FREM1: variants seen among roughly 807,000 people sequenced by gnomAD.
The protein encoded by FREM1 is FRAS1-related extracellular matrix protein 1.
FREM1 carries 220 observed loss-of-function variants against 210.1 expected under a neutral mutation model. That is an observed-to-expected ratio of 1.05 (90% CI 0.94 to 1.17). The LOEUF is 1.17. Among genes scored for constraint, FREM1 ranks in the 50% most tolerant of loss-of-function variants. The pLI is 0.00. For synonymous variants in FREM1, 1,189 were observed against 980.2 expected (o/e 1.21, Z -3.98); for missense variants, 3,454 against 2,675.5 (o/e 1.29, Z -6.42).
intron 29 of FREM1, among the ~76,000 whole-genome samples, chr9:14,752,067 T>C (rs1255333942): frequency 6.6e-6 from 1 of 151,182 alleles, no homozygotes; most frequent in Non-Finnish European, 1.5e-5. Flanking sequence ...TCAAAATATA[T>C]ATTTTGTACT....
At chr9:14,801,979 T>C (rs1817374291) in intron 19 of FREM1, 105 bp from the exon 20 acceptor site, 1 of 782,404 alleles carries the variant, frequency 1.3e-6, no homozygotes. Context: ...ACTTCAAATT[T>C]TCTATGAGAT....
At chr9:14,766,604 C>G (rs1168803233) in intron 27 of FREM1, among the ~76,000 whole-genome samples, 1 of 152,136 alleles carries the variant, frequency 6.6e-6, no homozygotes, top group Non-Finnish European at 1.5e-5. Flanking sequence ...CTTCAGGACT[C>G]CACAGGAATC....
rs1353020061 is a variant in FREM1, at chr9:14,909,957, G to C, written c.-311C>G. 3.3e-5 allele frequency: 5 copies of C among 152,210 alleles called. No homozygotes were observed. Among genetic ancestry groups the C allele is most frequent in the Admixed American group, 3.3e-4 (5 of 15,268 alleles). The allele number at this position is 152,210 out of a possible 1,614,324, so 9.4% of individuals were successfully genotyped here. A position where few individuals can be genotyped will look rare whatever the true frequency, so the allele number is the denominator to read the frequency against. On this transcript the variant is annotated 5_prime_UTR_variant, in exon 1 of 37. Coordinates refer to ENST00000380880, the MANE Select transcript of FREM1 (RefSeq NM_001379081.2). ...CCAAGACAAAAAGTTAGAAACCCTT[G>C]GAACTGGCGGGCAGGATAAGAGTCA...
intron 14 of FREM1, among the ~76,000 whole-genome samples, chr9:14,817,967 A>C (rs992783726): frequency 1.3e-5 from 2 of 152,226 alleles, no homozygotes; most frequent in Non-Finnish European, 2.9e-5. Context: ...TGGCCCTAAG[A>C]GTACACATCC....
At chr9:14,829,221 C>T (rs1318862095) in intron 10 of FREM1, among the ~76,000 whole-genome samples, 1 of 152,134 alleles carries the variant, frequency 6.6e-6, no homozygotes, top group Non-Finnish European at 1.5e-5. Context: ...TGGTATCATG[C>T]TAGAGGGTAA....
At chr9:14,879,086 G>A (rs1211869254) in intron 1 of FREM1, among the ~76,000 whole-genome samples, 1 of 151,524 alleles carries the variant, frequency 6.6e-6, no homozygotes, top group Non-Finnish European at 1.5e-5. Context: ...GAACCTGGGA[G>A]GCGGAGGTTG....
intron 10 of FREM1, among the ~76,000 whole-genome samples, chr9:14,834,221 G>A (rs1324919917): frequency 2.0e-5 from 3 of 152,198 alleles, no homozygotes; most frequent in African/African-American, 7.2e-5. Context: ...ACTGAGGGAT[G>A]AGACTCCCAT....
At chr9:14,818,954 G>A (rs535679895) in intron 14 of FREM1, among the ~76,000 whole-genome samples, 1 of 152,162 alleles carries the variant, frequency 6.6e-6, no homozygotes, top group Admixed American at 6.5e-5. Flanking sequence ...TGTGATATGT[G>A]CAGTTACTGC....
intron 20 of FREM1, among the ~76,000 whole-genome samples, chr9:14,798,828 C>G (rs373150509): frequency 1.8e-4 from 27 of 152,036 alleles, no homozygotes; most frequent in African/African-American, 6.0e-4. Flanking sequence ...CAGGTGTGAC[C>G]ACACCTGGCT....
At chr9:14,906,595 T>C (rs893274743) in intron 1 of FREM1, among the ~76,000 whole-genome samples, 1 of 152,256 alleles carries the variant, frequency 6.6e-6, no homozygotes, top group African/African-American at 2.4e-5. Flanking sequence ...GCGGTATCTA[T>C]CCTTTCTGCA....
chr9:14,838,087 A>G (rs1824960702), intron 10 of FREM1, among the ~76,000 whole-genome samples: 6 of 152,316 alleles, frequency 3.9e-5, no homozygotes, highest in Non-Finnish European at 1.5e-5. Context: ...AGCCTTTTTT[A>G]TGTCATAGAA....
rs928572693 is a variant in FREM1 at position 14,752,099 on chromosome 9, T to G, written c.5408-1823A>C. On this transcript the variant is annotated intron_variant, in intron 29 of 36. Coordinates refer to ENST00000380880, the MANE Select transcript of FREM1 (RefSeq NM_001379081.2). ...TACTTATGATATGCTTATCTTTGCA[T>G]TAGATGCTATGGAGAATACCAGAGG... Among the ~76,000 whole-genome samples the G allele has an allele frequency of 4.5e-4, 69 of 151,788 alleles. 1 individual carries two copies. The highest frequency in any genetic ancestry group is 1.6e-3 in the African/African-American group (68 of 41,364).
intron 27 of FREM1, among the ~76,000 whole-genome samples, chr9:14,766,689 AAC>A (rs1846477015): frequency 6.6e-6 from 1 of 152,172 alleles, no homozygotes; most frequent in Non-Finnish European, 1.5e-5. Flanking sequence ...CGTGCTCTAA[AAC>A]AGGTCCATTT....
In FREM1 at chr9:14,810,160, T is replaced by C. The variant is rs528821957; in HGVS notation, c.2894-2026A>G. ...TTTGCCAAGCAGATAAGGTAGAACA[T>C]TGGGACAGATGGGATAGAAGATCTG... On this transcript the variant is annotated intron_variant, in intron 16 of 36. Coordinates refer to ENST00000380880, the MANE Select transcript of FREM1 (RefSeq NM_001379081.2). Among the ~76,000 whole-genome samples the C allele has an allele frequency of 3.2e-4, 48 of 151,936 alleles. No individual in the cohort carries two copies. In the South Asian group the frequency reaches 4.8e-3, roughly 15 times the overall value.
At chr9:14,805,233 A>G in intron 18 of FREM1, 81 bp from the exon 19 acceptor site, 1 of 718,052 alleles carries the variant, frequency 1.4e-6, no homozygotes, top group South Asian at 3.2e-5. Flanking sequence ...ACCCAATAAT[A>G]GTCAATTTCT....
chr9:14,846,917 A>T (rs1207731320), intron 7 of FREM1, among the ~76,000 whole-genome samples: 3 of 152,052 alleles, frequency 2.0e-5, no homozygotes, highest in African/African-American at 7.2e-5. Flanking sequence ...TCCTGCCACC[A>T]CTGCCTCATC....
At chr9:14,824,659 C>G (rs1321745354) in intron 11 of FREM1, 137 bp downstream of exon 11, 3 of 620,928 alleles carry the variant, frequency 4.8e-6, no homozygotes, top group Non-Finnish European at 8.2e-6. Context: ...AAAGTAAACG[C>G]TTAATTGAGT....
At chr9:14,860,081 T>C (rs997172877) in intron 3 of FREM1, among the ~76,000 whole-genome samples, 1 of 152,156 alleles carries the variant, frequency 6.6e-6, no homozygotes, top group African/African-American at 2.4e-5. Flanking sequence ...AGAAGATTAA[T>C]GAGTGATATG....
intron 19 of FREM1, among the ~76,000 whole-genome samples, chr9:14,804,625 A>C (rs1296712201): frequency 6.6e-6 from 1 of 152,072 alleles, no homozygotes; most frequent in Non-Finnish European, 1.5e-5. Context: ...CTTCCAGAGA[A>C]GAGCAAGGGA....
Sources: gnomAD v4.1 joint callset for allele counts (sites outside exome capture counted in the v4.1 genomes callset) on GRCh38, gnomAD v4.1.1 for gene constraint, MANE v1.5 for transcripts, NCBI Gene and HGNC (gene_info 2026-07-23, HGNC 2026-07-21) for gene names.